Variants in KIF19 observed in about 807,000 individuals in gnomAD.
The protein encoded by KIF19 is kinesin-like protein KIF19.
In KIF19, 98 loss-of-function variants were observed where a neutral mutation model predicts 106.6. The observed-to-expected ratio is 0.92, with a 90% CI of 0.78 to 1.09. The LOEUF (loss-of-function observed/expected upper bound fraction) is 1.09, where lower values mean the gene tolerates loss of function less well. KIF19 is among the 50% of genes least tolerant of loss of function. The pLI is 0.00. For synonymous variants in KIF19, 516 were observed against 584.2 expected, an observed-to-expected ratio of 0.88 and a Z score of 1.68; for missense variants, 1,373 against 1,414.3, an observed-to-expected ratio of 0.97 and a Z score of 0.47.
Position 74,354,320 on chromosome 17 carries a change from C to A in KIF19, c.2467C>A (p.Pro823Thr). ...ACTGAGCGAGGGCGACGATGCGCGG[C>A]CACCAGGCCCACTGGCCTGCAAGCG... is the stretch of plus-strand genomic sequence containing the variant. The part of the protein sequence containing the change: ...HSLSEGDDAR[P>T]PGPLACKRPP... Residue 823 changes from proline (P) to threonine (T), a missense_variant, in exon 18 of 20, where the codon CCA becomes ACA. Pro to Thr is a conservative substitution (Grantham distance 38). Transcript: ENST00000389916. 6.2e-7 allele frequency: 1 copy of A among 1,607,772 alleles called. No individual in the cohort carries two copies. The highest frequency in any genetic ancestry group is 8.5e-7 in the Non-Finnish European group (1 of 1,177,850).
chr17:74,335,246 C>T (rs2054191965), intron 2 of KIF19, among the ~76,000 whole-genome samples: 1 of 152,210 alleles, frequency 6.6e-6, no homozygotes, highest in Non-Finnish European at 1.5e-5. Flanking sequence ...CTACAATGCA[C>T]AGAACTGCCC....
intron 3 of KIF19, 44 bp downstream of exon 3, chr17:74,342,030 C>A (rs778580026): frequency 8.3e-7 from 1 of 1,201,118 alleles, no homozygotes; most frequent in Non-Finnish European, 1.2e-6. Context: ...GCCCCTCCCC[C>A]ACCCTTAGCC....
At chr17:74,347,669 G>T in intron 8 of KIF19, 108 bp from the exon 9 acceptor site, 1 of 1,327,332 alleles carries the variant, frequency 7.5e-7, no homozygotes, top group Non-Finnish European at 1.0e-6. Context: ...TCCCTTAAGT[G>T]TAAAGAGACA....
At chr17:74,340,862 C>T (rs2144242603) in intron 2 of KIF19, among the ~76,000 whole-genome samples, 1 of 152,328 alleles carries the variant, frequency 6.6e-6, no homozygotes, top group Middle Eastern at 3.4e-3. Context: ...GCAGGCAGGG[C>T]TGTAGCGAGG....
intron 12 of KIF19, 104 bp downstream of exon 12, chr17:74,351,009 G>A (rs746735721): frequency 8.8e-7 from 1 of 1,139,084 alleles, no homozygotes; most frequent in Non-Finnish European, 1.3e-6. Context: ...CGTGAGACTT[G>A]GGAACTCAGG....
Position 74,354,157 on chromosome 17 carries a change from T to G in KIF19, c.2309-5T>G, listed in dbSNP as rs753389594. The G allele has an allele frequency of 6.2e-7, 1 of 1,601,400 alleles. No homozygotes were observed. Reference sequence around the variant, plus strand: ...GGGTTGTATGTTCCCCGTGTCCCGCTGCAGAGAGGAAGGAGATCCTGACTG... The same window carrying G: ...GGGTTGTATGTTCCCCGTGTCCCGCGGCAGAGAGGAAGGAGATCCTGACTG... On this transcript the variant is annotated splice_region_variant and splice_polypyrimidine_tract_variant and intron_variant, in intron 17 of 19. Transcript: ENST00000389916.
At chr17:74,326,514 C>T in intron 1 of KIF19, 126 bp downstream of exon 1, 1 of 787,548 alleles carries the variant, frequency 1.3e-6, no homozygotes, top group Non-Finnish European at 2.0e-6. Flanking sequence ...AGGGCCGGGA[C>T]TCTTCAGAGC....
In KIF19 at chr17:74,346,621, C is replaced by T. The variant is rs908021601; in HGVS notation, c.924+97C>T. 2.7e-6 allele frequency: 3 copies of T among 1,103,550 alleles called. No homozygotes were observed. In the Admixed American group the frequency reaches 7.8e-5, roughly 29 times the overall value. The allele number at this position is 1,103,550 out of a possible 1,614,324, so 68.4% of individuals were successfully genotyped here. A position where few individuals can be genotyped will look rare whatever the true frequency, so the allele number is the denominator to read the frequency against. On this transcript the variant is annotated intron_variant, in intron 8 of 19. Transcript: ENST00000389916. The surrounding 1 kb of genome is among the most constrained non-coding windows in gnomAD (Gnocchi z 4.6). ...AGGGCACCCAGCTAAATTCCAACCT[C>T]AGGATACACAGCAAAATTTATTTTA... is the stretch of plus-strand genomic sequence containing the variant.
In KIF19 at chr17:74,355,266, A is replaced by G. The variant is rs1598403833; in HGVS notation, c.2951A>G (p.His984Arg). Residue 984 changes from histidine to arginine, a missense_variant, in exon 20 of 20, where the codon CAC becomes CGC. Transcript: ENST00000389916. ...RRATRGPRLP[H>R]GTSTHGKDGC... ...GCTACCCGTGGGCCCCGCCTGCCCCACGGCACAAGCACCCATGGCAAAGAT... is the reference window on the plus strand; with the variant it reads ...GCTACCCGTGGGCCCCGCCTGCCCCGCGGCACAAGCACCCATGGCAAAGAT... The G allele has an allele frequency of 9.3e-6, 15 of 1,612,544 alleles. No homozygotes were observed. Among genetic ancestry groups the G allele is most frequent in the Non-Finnish European group, 1.3e-5 (15 of 1,179,624 alleles).
chr17:74,343,869 T>G (rs913620513), intron 5 of KIF19, among the ~76,000 whole-genome samples: 1 of 152,060 alleles, frequency 6.6e-6, no homozygotes, highest in Non-Finnish European at 1.5e-5. Context: ...TCTGGTCATT[T>G]GTCAGGTCCC....
At chr17:74,338,544 G>A (rs1008383849) in intron 2 of KIF19, among the ~76,000 whole-genome samples, 4 of 152,032 alleles carry the variant, frequency 2.6e-5, no homozygotes, top group African/African-American at 9.7e-5. Flanking sequence ...GGCTGCCAGG[G>A]TCAGGCCTCC....
At chr17:74,350,353 G>C (rs1460259666) in intron 10 of KIF19, 48 bp from the exon 11 acceptor site, 1 of 1,521,480 alleles carries the variant, frequency 6.6e-7, no homozygotes, top group Admixed American at 2.0e-5. Context: ...GGCTTTGCTA[G>C]CTGAACTTGC....
chr17:74,341,932 CT>C lies in KIF19; in HGVS notation c.178del (p.Ser60ProfsTer98). ...DPDDILRAHR[S>X]REKSYLFDVA... is the part of the protein sequence containing the mutation. The stretch of plus-strand genomic sequence containing the variant: ...CCGACGACATCCTGCGGGCGCATCG[CT>C]CCCGGGAGAAGTCCTACCTGTTCGA... On this transcript the variant is annotated frameshift_variant, in exon 3 of 20. Transcript: ENST00000389916. LOFTEE classifies it high-confidence loss of function. The C allele has an allele frequency of 6.2e-7, 1 of 1,613,714 alleles. No individual in the cohort carries two copies. The highest frequency in any genetic ancestry group is 8.5e-7 in the Non-Finnish European group (1 of 1,179,838).
At chr17:74,344,457 G>A (rs936541209) in intron 6 of KIF19, 109 bp downstream of exon 6, 52 of 1,481,102 alleles carry the variant, frequency 3.5e-5, no homozygotes, top group Middle Eastern at 2.3e-4. Flanking sequence ...GGCTGAGGCT[G>A]GGACAGACAG....
intron 7 of KIF19, among the ~76,000 whole-genome samples, chr17:74,345,908 G>A (rs2054518226): frequency 6.6e-6 from 1 of 152,174 alleles, no homozygotes; most frequent in African/African-American, 2.4e-5. Context: ...CCTAAGGGGA[G>A]CTGCAGGCAG....
intron 2 of KIF19, among the ~76,000 whole-genome samples, chr17:74,338,744 T>C (rs1409132379): frequency 6.6e-6 from 1 of 151,826 alleles, no homozygotes; most frequent in Non-Finnish European, 1.5e-5. Context: ...CCCAGGGCTG[T>C]CATCCTCCTG....
chr17:74,351,958 G>A lies in KIF19; in HGVS notation c.1679G>A (p.Arg560His). 1 of 1,507,350 alleles carries A rather than the reference G, an allele frequency of 6.6e-7. No individual in the cohort carries two copies. Among genetic ancestry groups the A allele is most frequent in the Non-Finnish European group, 8.8e-7 (1 of 1,135,330 alleles). 93.4% of individuals were successfully genotyped at this position (1,507,350 alleles called of 1,614,324 possible). Residue 560 changes from arginine to histidine, a missense_variant, in exon 13 of 20, where the codon CGC becomes CAC. Physicochemically the swap from Arg to His is conservative, Grantham distance 29. This residue lies in a region of KIF19 where 1,020 missense variants were observed against 1,008.2 expected (regional missense o/e 1.01). Coordinates refer to ENST00000389916, the MANE Select transcript of KIF19 (RefSeq NM_153209.4). ...LPRRIGSEEQREVLSLLCRVH... is the reference protein window; with the variant it reads ...LPRRIGSEEQHEVLSLLCRVH... ...CGGCGCATCGGCTCCGAGGAGCAGC[G>A]CGAGGTGCTCAGCCTGCTGTGCCGC... is the stretch of plus-strand genomic sequence containing the variant.
rs769512150 is a variant in KIF19 at position 74,352,954 on chromosome 17, G to A, written c.2114G>A (p.Ser705Asn). Residue 705 changes from serine to asparagine, a missense_variant and splice_region_variant, in exon 15 of 20, where the codon AGT becomes AAT. By Grantham distance (46) the Ser-to-Asn change is conservative. This residue lies in a region of KIF19 where 1,020 missense variants were observed against 1,008.2 expected (regional missense o/e 1.01). Coordinates refer to ENST00000389916, the MANE Select transcript of KIF19 (RefSeq NM_153209.4). ...NSALPPLSTE[S>N]EGHHVFKAGT... ...GCCCTCCCTCCCCTCAGCACAGAGA[G>A]GTGAGATGGGGGCCACCTGCCCCAG... The A allele has an allele frequency of 8.7e-6, 14 of 1,613,552 alleles. No homozygotes were observed. Among genetic ancestry groups the A allele is most frequent in the African/African-American group, 2.7e-5 (2 of 74,932 alleles).
At chr17:74,353,683 C>A in intron 17 of KIF19, 102 bp downstream of exon 17, 1 of 929,504 alleles carries the variant, frequency 1.1e-6, no homozygotes, top group Non-Finnish European at 1.7e-6. Context: ...CTGCCAAGTG[C>A]AACCAAGCAT....
Sources: gnomAD v4.1 joint callset for allele counts (sites outside exome capture counted in the v4.1 genomes callset) on GRCh38, gnomAD v4.1.1 for gene constraint, gnomAD v4.1.1 regional missense constraint, Gnocchi (gnomAD v3.1) non-coding constraint, MANE v1.5 for transcripts, NCBI Gene and HGNC (gene_info 2026-07-23, HGNC 2026-07-21) for gene names.